The following AKAP13 variants were observed in gnomAD, a reference collection of about 807,000 sequenced individuals.
The protein encoded by AKAP13 is A-kinase anchoring protein 13.
Under a neutral mutation model 264.5 loss-of-function variants are expected in AKAP13, and 80 were observed. The ratio of observed to expected loss-of-function variants is 0.30; its 90% confidence interval spans 0.25 to 0.36. AKAP13 has a LOEUF of 0.36. Ranked by LOEUF, AKAP13 falls within the 10% of genes least tolerant of loss-of-function variation. The probability of loss-of-function intolerance (pLI) is 1.00; values close to 1 mark genes in which losing one functional copy is unlikely to be tolerated. For missense variants in AKAP13, 3,712 were observed against 3,435.2 expected, an observed-to-expected ratio of 1.08 and a Z score of -2.01; for synonymous variants, 1,380 against 1,250.2, an observed-to-expected ratio of 1.10 and a Z score of -2.19.
At position 85,718,691 on chromosome 15, in the gene AKAP13, CAGAGTTCA is replaced by C. The variant is rs1196836185; in HGVS notation, c.6002-381_6002-374del. Reference sequence around the variant, plus strand: ...CTGAGGCGGGTGGATCACTCGAGCCCAGAGTTCAAGACTAGCCTGGGAACATAGTGAAA... The same window carrying C: ...CTGAGGCGGGTGGATCACTCGAGCCCAGACTAGCCTGGGAACATAGTGAAA... On this transcript the variant is annotated intron_variant, in intron 22 of 36. Transcript: ENST00000394518. The surrounding 1 kb of genome is among the most constrained non-coding windows in gnomAD (Gnocchi z 4.9). 2 of 221,232 alleles carry C rather than the reference CAGAGTTCA, an allele frequency of 9.0e-6. No homozygotes were observed. Among genetic ancestry groups the C allele is most frequent in the African/African-American group, 4.7e-5 (2 of 42,400 alleles). The allele number at this position is 221,232 out of a possible 1,614,324, so 13.7% of individuals were successfully genotyped here. A position where few individuals can be genotyped will look rare whatever the true frequency, so the allele number is the denominator to read the frequency against.
chr15:85,629,366 G>A (rs1185470679), intron 8 of AKAP13, among the ~76,000 whole-genome samples: 2 of 152,088 alleles, frequency 1.3e-5, no homozygotes, highest in African/African-American at 2.4e-5. Flanking sequence ...GCCTCCTTTG[G>A]CCTCAGGTTT....
chr15:85,743,014 C>G (rs1481529863), intron 35 of AKAP13, among the ~76,000 whole-genome samples: 1 of 152,136 alleles, frequency 6.6e-6, no homozygotes, highest in Non-Finnish European at 1.5e-5. Flanking sequence ...GTAGATGATC[C>G]TCTTTATCTC....
rs10598092 is a variant in AKAP13 at position 85,562,691 on chromosome 15, C to CTTTTTTTTTTTTTTTTTT, written c.663-12436_663-12419dup. Among the ~76,000 whole-genome samples, 25 of 100,516 alleles carry CTTTTTTTTTTTTTTTTTT rather than the reference C, an allele frequency of 2.5e-4. 1 individual carries two copies. The highest frequency in any genetic ancestry group is 3.5e-4 in the Non-Finnish European group (19 of 53,754). The allele number at this position is 100,516 out of a possible 152,430, so 65.9% of individuals were successfully genotyped here. A position where few individuals can be genotyped will look rare whatever the true frequency, so the allele number is the denominator to read the frequency against. On this transcript the variant is annotated intron_variant, in intron 5 of 36. Coordinates refer to ENST00000394518, the MANE Select transcript of AKAP13 (RefSeq NM_007200.5). The stretch of plus-strand genomic sequence containing the variant: ...CCTTTTCTTTCTTTTCTTTTCTTTT[C>CTTTTTTTTTTTTTTTTTT]TTTTTTTTTTTTTTTTTTTTTGAGA...
At chr15:85,660,002 C>T (rs1162194322) in intron 12 of AKAP13, among the ~76,000 whole-genome samples, 3 of 152,062 alleles carry the variant, frequency 2.0e-5, no homozygotes, top group Non-Finnish European at 4.4e-5. Context: ...TTTCTGTTAC[C>T]AGAAAGGGCA....
intron 16 of AKAP13, chr15:85,689,976 C>A (rs1432288920): frequency 6.6e-6 from 1 of 152,268 alleles, no homozygotes. Flanking sequence ...TCTGCCCTGA[C>A]GGCATGCGCC....
chr15:85,405,196 A>G (rs988806911), intron 1 of AKAP13, among the ~76,000 whole-genome samples: 1 of 152,106 alleles, frequency 6.6e-6, no homozygotes, highest in African/African-American at 2.4e-5. Flanking sequence ...TGTTTTCCTG[A>G]AAGATTTGTG....
intron 1 of AKAP13, among the ~76,000 whole-genome samples, chr15:85,387,728 A>C (rs888497094): frequency 1.3e-5 from 2 of 152,092 alleles, no homozygotes; most frequent in African/African-American, 2.4e-5. Flanking sequence ...TTTAGACCTT[A>C]GATTTTTGAT....
At chr15:85,625,547 G>C (rs953032748) in intron 8 of AKAP13, among the ~76,000 whole-genome samples, 1 of 152,148 alleles carries the variant, frequency 6.6e-6, no homozygotes, top group Non-Finnish European at 1.5e-5. Context: ...GGTGGCTTTT[G>C]ATTTCCTGCA....
At chr15:85,485,802 T>C (rs751267075) in intron 2 of AKAP13, 49 bp downstream of exon 2, 12 of 1,572,118 alleles carry the variant, frequency 7.6e-6, no homozygotes, top group Non-Finnish European at 9.6e-6. Flanking sequence ...TCTGTTCTGC[T>C]TACTTGTTAT....
intron 5 of AKAP13, among the ~76,000 whole-genome samples, chr15:85,572,733 A>G (rs1275417263): frequency 1.3e-5 from 2 of 151,772 alleles, no homozygotes; most frequent in Non-Finnish European, 2.9e-5. Context: ...GGTTTATTAC[A>G]TAGGTATACA....
At chr15:85,711,198 T>C (rs2086618415) in intron 19 of AKAP13, among the ~76,000 whole-genome samples, 1 of 152,088 alleles carries the variant, frequency 6.6e-6, no homozygotes, top group South Asian at 2.1e-4. Flanking sequence ...CTTTCTAAAC[T>C]GAGAAGTTAT....
At chr15:85,698,546 A>G (rs2085706310) in intron 17 of AKAP13, among the ~76,000 whole-genome samples, 1 of 151,804 alleles carries the variant, frequency 6.6e-6, no homozygotes, top group Non-Finnish European at 1.5e-5. Context: ...AACCAATGGT[A>G]TGTTAGGCTT....
chr15:85,442,971 C>A (rs994548225), intron 1 of AKAP13, among the ~76,000 whole-genome samples: 1 of 152,172 alleles, frequency 6.6e-6, no homozygotes, highest in African/African-American at 2.4e-5. Context: ...TCTTCATCCT[C>A]CCTAACTCCC....
At chr15:85,400,858 GTATA>G (rs71460458) in intron 1 of AKAP13, among the ~76,000 whole-genome samples, 1,336 of 108,238 alleles carry the variant, frequency 0.012, 17 homozygotes, top group African/African-American at 0.048. Context: ...ATATATATAT[GTATA>G]TATATATATA....
intron 1 of AKAP13, among the ~76,000 whole-genome samples, chr15:85,460,151 A>C (rs545274896): frequency 2.0e-5 from 3 of 152,280 alleles, no homozygotes; most frequent in Admixed American, 2.0e-4. Flanking sequence ...CCTGGAGTCA[A>C]ATTTAACTCC....
rs71468122 is a variant in AKAP13 at position 85,589,593 on chromosome 15, TAAAA to T, written c.4161+3784_4161+3787del. Among the ~76,000 whole-genome samples the T allele has an allele frequency of 4.1e-5, 5 of 122,472 alleles. No homozygotes were observed. The Admixed American group carries it at 4.3e-4, about 10-fold the overall frequency. The allele number at this position is 122,472 out of a possible 152,430, so 80.3% of individuals were successfully genotyped here. A position where few individuals can be genotyped will look rare whatever the true frequency, so the allele number is the denominator to read the frequency against. On this transcript the variant is annotated intron_variant, in intron 8 of 36. Transcript: ENST00000394518. ...TAACATGGGGAAACCTTGTCTCCAC[TAAAA>T]AAAAAAAAAAAAATACAAGAGTTAG...
chr15:85,534,158 G>C, intron 4 of AKAP13: 1 of 423,750 alleles, frequency 2.4e-6, no homozygotes, highest in South Asian at 7.6e-5. Context: ...GATCTCTCAA[G>C]TGTAGAAAGT....
chr15:85,420,173 C>T (rs2072456810), intron 1 of AKAP13, among the ~76,000 whole-genome samples: 1 of 151,610 alleles, frequency 6.6e-6, no homozygotes, highest in Non-Finnish European at 1.5e-5. Context: ...GATCTCCTGA[C>T]CTCGTGATCC....
At chr15:85,683,653 T>G (rs1376901067) in intron 15 of AKAP13, 14 of 152,186 alleles carry the variant, frequency 9.2e-5, no homozygotes, top group Admixed American at 9.2e-4. Context: ...TATTTTTTAG[T>G]AGAGACGGGG....
Sources: gnomAD v4.1 joint callset for allele counts (sites outside exome capture counted in the v4.1 genomes callset) on GRCh38, gnomAD v4.1.1 for gene constraint, Gnocchi (gnomAD v3.1) non-coding constraint, MANE v1.5 for transcripts, NCBI Gene and HGNC (gene_info 2026-07-23, HGNC 2026-07-21) for gene names.